SMU1: variants seen among roughly 807,000 people sequenced by gnomAD.
The protein encoded by SMU1 is SMU1 DNA replication regulator and spliceosomal factor.
SMU1 carries 2 observed loss-of-function variants against 62.0 expected under a neutral mutation model. The observed-to-expected ratio is 0.03, with a 90% CI of 0.01 to 0.10. The LOEUF (loss-of-function observed/expected upper bound fraction) is 0.10, where lower values mean the gene tolerates loss of function less well. Among genes scored for constraint, SMU1 ranks in the 10% least tolerant of loss-of-function variants. SMU1 has a pLI of 1.00. For synonymous variants in SMU1, 188 were observed against 212.4 expected, an observed-to-expected ratio of 0.89 and a Z score of 1.00; for missense variants, 227 against 622.1, an observed-to-expected ratio of 0.36 and a Z score of 6.76.
At chr9:33,072,118 G>C (rs1430268919) in intron 2 of SMU1, among the ~76,000 whole-genome samples, 2 of 152,082 alleles carry the variant, frequency 1.3e-5, no homozygotes, top group Non-Finnish European at 2.9e-5. Flanking sequence ...CGGATCACTT[G>C]AGGTCAGCAG....
intron 4 of SMU1, 118 bp from the exon 5 acceptor site, chr9:33,062,295 C>T: frequency 7.5e-7 from 1 of 1,334,942 alleles, no homozygotes; most frequent in South Asian, 1.6e-5. Context: ...GCCATCTAAA[C>T]CCCAACTATT....
chr9:33,062,057 G>A lies in SMU1; in HGVS notation c.622C>T (p.His208Tyr), dbSNP rs1839368182. The A allele has an allele frequency of 6.2e-7, 1 of 1,613,510 alleles. No individual in the cohort carries two copies. Among genetic ancestry groups the A allele is most frequent in the Non-Finnish European group, 8.5e-7 (1 of 1,179,738 alleles). ...ATGTCTTAGGATCCTACCTTAATAT[G>A]CCTGCTCAGTTGTGTAGGAAACTTT... Reference protein sequence around the residue: ...EEKFPTQLSRHIKFGQKSHVE... With the variant: ...EEKFPTQLSRYIKFGQKSHVE... The change falls in exon 5 of 12, where the codon CAT (histidine) becomes TAT (tyrosine). Residue 208 changes from histidine to tyrosine, a missense_variant. By Grantham distance (83) the His-to-Tyr change is moderately conservative (BLOSUM62 2). Transcript: ENST00000397149.
chr9:33,069,798 G>A lies in SMU1; in HGVS notation c.391-864C>T, dbSNP rs148649461. Among the ~76,000 whole-genome samples, 642 of 151,986 alleles carry A rather than the reference G, an allele frequency of 4.2e-3. 6 individuals carry two copies. Among genetic ancestry groups the A allele is most frequent in the African/African-American group, 0.015 (612 of 41,436 alleles). On this transcript the variant is annotated intron_variant, in intron 3 of 11. Transcript: ENST00000397149. ...GCCGGGGAGACAACAGCAAGACTCT[G>A]TCTCAGAAAAATAAATAAACAAATA... is the stretch of plus-strand genomic sequence containing the variant.
chr9:33,046,996 T>C lies in SMU1; in HGVS notation c.*297A>G, dbSNP rs1006680051. 1 of 230,170 alleles carries C rather than the reference T, an allele frequency of 4.3e-6. No homozygotes were observed. Among genetic ancestry groups the C allele is most frequent in the Non-Finnish European group, 8.4e-6 (1 of 119,622 alleles). 14.3% of individuals were successfully genotyped at this position (230,170 alleles called of 1,614,324 possible). ...GGGACATTTTCCTCAGCATTTCAAATAATCAGAGGAGTAGAATTTTTTTCT... is the reference window on the plus strand; with the variant it reads ...GGGACATTTTCCTCAGCATTTCAAACAATCAGAGGAGTAGAATTTTTTTCT... On this transcript the variant is annotated 3_prime_UTR_variant, in exon 12 of 12. Coordinates refer to ENST00000397149, the MANE Select transcript of SMU1 (RefSeq NM_018225.3).
At chr9:33,058,494 T>A (rs1839327295) in intron 6 of SMU1, among the ~76,000 whole-genome samples, 1 of 152,124 alleles carries the variant, frequency 6.6e-6, no homozygotes, top group South Asian at 2.1e-4. Context: ...TTTTTACATT[T>A]TTAGTAGAGA....
At chr9:33,065,282 T>C (rs1839407361) in intron 4 of SMU1, among the ~76,000 whole-genome samples, 1 of 152,180 alleles carries the variant, frequency 6.6e-6, no homozygotes, top group Admixed American at 6.5e-5. Flanking sequence ...AACAAATCTG[T>C]CCTTCTTATA....
rs957269367 is a variant in SMU1 at position 33,045,228 on chromosome 9, T to C, written c.*2065A>G. The C allele has an allele frequency of 6.6e-6, 1 of 152,180 alleles. No individual in the cohort carries two copies. The highest frequency in any genetic ancestry group is 2.4e-5 in the African/African-American group (1 of 41,432). 9.4% of individuals were successfully genotyped at this position (152,180 alleles called of 1,614,324 possible). ...AAATTCTCAAGGACTTTTCTAAAAATTTTTTTAGCATAAACTGTTTCCTCT... is the reference window on the plus strand; with the variant it reads ...AAATTCTCAAGGACTTTTCTAAAAACTTTTTTAGCATAAACTGTTTCCTCT... On this transcript the variant is annotated 3_prime_UTR_variant, in exon 12 of 12. Transcript: ENST00000397149.
intron 3 of SMU1, among the ~76,000 whole-genome samples, chr9:33,070,705 A>AT (rs1340587732): frequency 1.3e-5 from 2 of 152,266 alleles, no homozygotes; most frequent in African/African-American, 4.8e-5. Flanking sequence ...ATATAAAAGA[A>AT]TGAAATCCTG....
chr9:33,056,895 G>T lies in SMU1; in HGVS notation c.937C>A (p.Leu313Ile), dbSNP rs1247270973. 1 of 1,613,268 alleles carries T rather than the reference G, an allele frequency of 6.2e-7. No individual in the cohort carries two copies. Among genetic ancestry groups the T allele is most frequent in the Middle Eastern group, 1.7e-4 (1 of 5,954 alleles). ...TGACTGCTATCCTTAGAAAAGCTTA[G>T]ACAGGTGACACCCTTACTGTGTGCC... ...ERAHSKGVTC[L>I]SFSKDSSQIL... The change falls in exon 8 of 12, where the codon CTA (leucine) becomes ATA (isoleucine). Residue 313 changes from leucine to isoleucine, a missense_variant. Transcript: ENST00000397149.
chr9:33,052,142 T>G (rs1177168688), intron 10 of SMU1, among the ~76,000 whole-genome samples: 1 of 151,788 alleles, frequency 6.6e-6, no homozygotes, highest in Non-Finnish European at 1.5e-5. Context: ...ATAAAAAGAA[T>G]GCATGTAAAA....
rs566221271 is a variant in SMU1, at chr9:33,075,889, T to A, written c.26+694A>T. On this transcript the variant is annotated intron_variant, in intron 1 of 11. Coordinates refer to ENST00000397149, the MANE Select transcript of SMU1 (RefSeq NM_018225.3). The stretch of plus-strand genomic sequence containing the variant: ...GGTCTTCTTTAGTCACTAATTCTCA[T>A]CCCCTATTCCTTGAAAATTTTTCTT... Among the ~76,000 whole-genome samples the A allele has an allele frequency of 1.9e-3, 283 of 152,258 alleles. 2 individuals are homozygous for A. The highest frequency in any genetic ancestry group is 6.2e-3 in the African/African-American group (259 of 41,552).
At chr9:33,064,363 G>A (rs1839395629) in intron 4 of SMU1, among the ~76,000 whole-genome samples, 1 of 152,170 alleles carries the variant, frequency 6.6e-6, no homozygotes, top group African/African-American at 2.4e-5. Context: ...AGGTTTGATA[G>A]ATTATATTAT....
chr9:33,075,193 G>T (rs180834929), intron 1 of SMU1, among the ~76,000 whole-genome samples: 2 of 152,282 alleles, frequency 1.3e-5, no homozygotes, highest in Admixed American at 1.3e-4. Context: ...TGGCTAACAC[G>T]GTGAAACCCC....
intron 3 of SMU1, among the ~76,000 whole-genome samples, chr9:33,071,066 C>A (rs1365005213): frequency 1.3e-5 from 2 of 152,134 alleles, no homozygotes; most frequent in African/African-American, 4.8e-5. Flanking sequence ...GATGGATACT[C>A]CATTTACCCT....
chr9:33,072,207 T>C (rs770537724), intron 2 of SMU1, among the ~76,000 whole-genome samples: 24 of 151,974 alleles, frequency 1.6e-4, no homozygotes, highest in South Asian at 4.2e-4. Flanking sequence ...TGTGGTGGTA[T>C]ATGCCTGTAA....
At chr9:33,065,711 A>G (rs188285306) in intron 4 of SMU1, among the ~76,000 whole-genome samples, 14 of 152,150 alleles carry the variant, frequency 9.2e-5, no homozygotes, top group African/African-American at 3.4e-4. Context: ...AACAGGGGCA[A>G]TATTAAAGTC....
chr9:33,056,689 G>T, intron 8 of SMU1, 148 bp downstream of exon 8: 1 of 823,934 alleles, frequency 1.2e-6, no homozygotes, highest in East Asian at 2.6e-5. Context: ...TGTACTTTGG[G>T]GACATAAGGT....
intron 4 of SMU1, among the ~76,000 whole-genome samples, chr9:33,065,776 G>A (rs779292055): frequency 6.6e-6 from 1 of 152,284 alleles, no homozygotes; most frequent in Middle Eastern, 3.4e-3. Flanking sequence ...CAACCACCTC[G>A]CCTTAGCCTC....
intron 3 of SMU1, among the ~76,000 whole-genome samples, chr9:33,070,015 A>G (rs1479013633): frequency 6.6e-6 from 1 of 151,832 alleles, no homozygotes; most frequent in African/African-American, 2.4e-5. Context: ...AATCCCAGCT[A>G]CTTGGTGGCT....
Sources: allele counts gnomAD v4.1 joint callset (sites outside exome capture counted in the v4.1 genomes callset), GRCh38; gene constraint gnomAD v4.1.1; transcripts MANE v1.5; gene names NCBI Gene and HGNC (gene_info 2026-07-23, HGNC 2026-07-21).